IGSF11: variants seen among roughly 807,000 people sequenced by gnomAD.
The protein encoded by IGSF11 is immunoglobulin superfamily member 11.
In IGSF11, 22 loss-of-function variants were observed where a neutral mutation model predicts 41.0. The observed-to-expected ratio is 0.54, with a 90% CI of 0.38 to 0.77. IGSF11 has a LOEUF of 0.77. Among genes scored for constraint, IGSF11 ranks in the 30% least tolerant of loss-of-function variants. The pLI is 0.00. For synonymous variants in IGSF11, 219 were observed against 201.3 expected, an observed-to-expected ratio of 1.09 and a Z score of -0.74; for missense variants, 444 against 530.8, an observed-to-expected ratio of 0.84 and a Z score of 1.61.
chr3:119,058,988 A>T (rs552347308), intron 1 of IGSF11, among the ~76,000 whole-genome samples: 76 of 147,306 alleles, frequency 5.2e-4, no homozygotes, highest in African/African-American at 1.8e-3. Flanking sequence ...GTGGGGGGAG[A>T]GGGGAGGGAT....
chr3:118,970,787 T>C, intron 1 of IGSF11, among the ~76,000 whole-genome samples: 1 of 151,974 alleles, frequency 6.6e-6, no homozygotes, highest in East Asian at 1.9e-4. Context: ...TTTTAAAAGT[T>C]TTTAAAATCT....
chr3:119,067,592 G>A lies in IGSF11; in HGVS notation c.49+37552C>T, dbSNP rs889020297. On this transcript the variant is annotated intron_variant, in intron 1 of 6. Coordinates refer to the IGSF11 transcript ENST00000354673. ...TTCAGCTTAGCTCTTCAGCTCCCTC[G>A]TAATACCAAAACTTGACTAACGTAC... is the stretch of plus-strand genomic sequence containing the variant. 3.3e-5 allele frequency among the ~76,000 whole-genome samples: 5 copies of A among 152,114 alleles called. 1 individual carries two copies. The highest frequency in any genetic ancestry group is 1.9e-4 in the East Asian group (1 of 5,204).
intron 4 of IGSF11, among the ~76,000 whole-genome samples, chr3:118,908,216 T>C (rs957107124): frequency 5.3e-5 from 8 of 152,232 alleles, no homozygotes; most frequent in African/African-American, 1.7e-4. Context: ...CTGTAAAGAC[T>C]CTTGCTTTGA....
At chr3:119,097,742 C>T (rs1022297866) in intron 1 of IGSF11, among the ~76,000 whole-genome samples, 2 of 152,066 alleles carry the variant, frequency 1.3e-5, no homozygotes, top group Non-Finnish European at 2.9e-5. Context: ...AGAGAAAGCA[C>T]TTACTTCGAT....
In IGSF11 at chr3:119,078,769, G is replaced by A. The variant is rs1471125568; in HGVS notation, c.49+26375C>T. 2.6e-5 allele frequency among the ~76,000 whole-genome samples: 4 copies of A among 152,062 alleles called. No individual in the cohort carries two copies. The East Asian group carries it at 7.7e-4, about 29-fold the overall frequency. ...CAAAGCAAACAAAACTATCAACAGA[G>A]CAAACTGACTACCTAAATAATGGGA... is the stretch of plus-strand genomic sequence containing the variant. On this transcript the variant is annotated intron_variant, in intron 1 of 6. Coordinates refer to the IGSF11 transcript ENST00000354673.
chr3:119,108,003 G>C (rs1161788511), upstream of IGSF11, among the ~76,000 whole-genome samples: 1 of 151,306 alleles, frequency 6.6e-6, no homozygotes, highest in Non-Finnish European at 1.5e-5. Context: ...TTGTAGTATA[G>C]TTTGAAGTCA....
intron 1 of IGSF11, among the ~76,000 whole-genome samples, chr3:119,028,328 A>T (rs42457): frequency 0.8 from 121,502 of 152,056 alleles, 48,829 homozygotes; most frequent in African/African-American, 0.89. Flanking sequence ...CAACATAAGG[A>T]TGATTTATAG....
chr3:119,055,815 A>T (rs748809856), intron 1 of IGSF11, among the ~76,000 whole-genome samples: 17 of 152,138 alleles, frequency 1.1e-4, no homozygotes, highest in African/African-American at 4.1e-4. Context: ...GGATTAAGAA[A>T]CTCACTCAAA....
intron 1 of IGSF11, among the ~76,000 whole-genome samples, chr3:119,059,540 T>TC (rs1474944666): frequency 3.9e-5 from 6 of 152,242 alleles, no homozygotes; most frequent in Middle Eastern, 3.4e-3. Flanking sequence ...TACCACGTGT[T>TC]CCCCAAAAAC....
chr3:119,099,690 G>T (rs2076911375), intron 1 of IGSF11, among the ~76,000 whole-genome samples: 1 of 152,212 alleles, frequency 6.6e-6, no homozygotes, highest in Non-Finnish European at 1.5e-5. Context: ...ACAAGGGCTG[G>T]TTAGAAATCA....
intron 1 of IGSF11, among the ~76,000 whole-genome samples, chr3:118,976,858 C>T (rs1419339621): frequency 6.6e-6 from 1 of 152,120 alleles, no homozygotes; most frequent in Non-Finnish European, 1.5e-5. Flanking sequence ...AACATTCTAA[C>T]CTCAATATCA....
Position 119,034,586 on chromosome 3 carries a change from G to C in IGSF11, c.-4C>G, listed in dbSNP as rs1327311337. On this transcript the variant is annotated 5_prime_UTR_variant, in exon 1 of 7. Transcript: ENST00000393775. Reference sequence around the variant, plus strand: ...GAGGGGAACGCTGAGAAGTCATCCCGGGGCCGCAGGGAGCGCGCCTGCCTC... The same window carrying C: ...GAGGGGAACGCTGAGAAGTCATCCCCGGGCCGCAGGGAGCGCGCCTGCCTC... The C allele has an allele frequency of 2.5e-6, 4 of 1,587,584 alleles. No homozygotes were observed. Among genetic ancestry groups the C allele is most frequent in the African/African-American group, 2.7e-5 (2 of 73,530 alleles).
At chr3:119,052,154 C>T (rs545290785) in intron 1 of IGSF11, among the ~76,000 whole-genome samples, 1 of 151,936 alleles carries the variant, frequency 6.6e-6, no homozygotes, top group South Asian at 2.1e-4. Flanking sequence ...GAAATTGAAA[C>T]AAAAAAATGT....
chr3:119,089,137 T>G (rs1010113048), intron 1 of IGSF11, among the ~76,000 whole-genome samples: 1 of 151,850 alleles, frequency 6.6e-6, no homozygotes, highest in Non-Finnish European at 1.5e-5. Flanking sequence ...AAGAGAAAAC[T>G]TCATACCAAT....
intron 1 of IGSF11, among the ~76,000 whole-genome samples, chr3:119,061,846 T>G (rs1338802690): frequency 2.0e-5 from 3 of 152,084 alleles, no homozygotes; most frequent in African/African-American, 7.2e-5. Context: ...ATACTTCTTG[T>G]CCTAGAGATT....
chr3:119,065,177 T>C (rs189440751), intron 1 of IGSF11, among the ~76,000 whole-genome samples: 22 of 152,330 alleles, frequency 1.4e-4, no homozygotes, highest in African/African-American at 5.0e-4. Flanking sequence ...AAGCATTCCA[T>C]TTTATTGTTA....
chr3:118,968,079 G>A (rs143178830), intron 1 of IGSF11, among the ~76,000 whole-genome samples: 3 of 152,260 alleles, frequency 2.0e-5, no homozygotes, highest in South Asian at 4.1e-4. Context: ...TTTGTAAGGT[G>A]CCATCTGAGA....
chr3:119,048,101 A>G (rs1441273528), intron 1 of IGSF11, among the ~76,000 whole-genome samples: 1 of 151,876 alleles, frequency 6.6e-6, no homozygotes, highest in Non-Finnish European at 1.5e-5. Context: ...GAAAAGCAAG[A>G]GCAAACACAT....
At chr3:118,943,627 T>C (rs1035671886) in intron 1 of IGSF11, among the ~76,000 whole-genome samples, 1 of 152,218 alleles carries the variant, frequency 6.6e-6, no homozygotes, top group Non-Finnish European at 1.5e-5. Context: ...AATCTAGGCT[T>C]TTAACTTGGA....
Sources: allele counts gnomAD v4.1 joint callset (sites outside exome capture counted in the v4.1 genomes callset), GRCh38; gene constraint gnomAD v4.1.1; transcripts MANE v1.5; gene names NCBI Gene and HGNC (gene_info 2026-07-23, HGNC 2026-07-21).